Variants in VPS25 observed in about 807,000 individuals in gnomAD.
VPS25 encodes vacuolar protein sorting 25 homolog.
VPS25 carries 21 observed loss-of-function variants against 30.3 expected under a neutral mutation model. The ratio of observed to expected loss-of-function variants is 0.69; its 90% CI spans 0.49 to 1.00. The LOEUF is 1.00. VPS25 is among the 50% of genes least tolerant of loss of function. VPS25 has a pLI of 0.00. For synonymous variants in VPS25, 101 were observed against 88.1 expected, an observed-to-expected ratio of 1.15 and a Z score of -0.82; for missense variants, 156 against 217.2, an observed-to-expected ratio of 0.72 and a Z score of 1.77.
intron 2 of VPS25, 157 bp downstream of exon 2, chr17:42,774,035 C>G: frequency 1.1e-6 from 1 of 884,938 alleles, no homozygotes; most frequent in Non-Finnish European, 1.7e-6. Flanking sequence ...CTGACATTTT[C>G]CCCTGGCAAA....
rs1197024678 is a variant in VPS25 at position 42,779,385 on chromosome 17, A to G, written c.*316A>G. 1 of 250,546 alleles carries G rather than the reference A, an allele frequency of 4.0e-6. No homozygotes were observed. Among genetic ancestry groups the G allele is most frequent in the East Asian group, 8.4e-5 (1 of 11,860 alleles). The allele number at this position is 250,546 out of a possible 1,614,324, so 15.5% of individuals were successfully genotyped here. A position where few individuals can be genotyped will look rare whatever the true frequency, so the allele number is the denominator to read the frequency against. On this transcript the variant is annotated 3_prime_UTR_variant, in exon 6 of 6. Transcript: ENST00000253794. ...TTCACACATGTAAGTACATACACAC[A>G]TGCGCCTGCAGCACATGCTTCTGTC...
In VPS25 at chr17:42,773,538, A is replaced by C. The variant is rs746750328; in HGVS notation, c.53+10A>C. The C allele has an allele frequency of 2.5e-6, 4 of 1,614,168 alleles. No individual in the cohort carries two copies. Among genetic ancestry groups the C allele is most frequent in the Non-Finnish European group, 3.4e-6 (4 of 1,180,012 alleles). On this transcript the variant is annotated intron_variant, in intron 1 of 5. Transcript: ENST00000253794. ...TCCCACCCTTCTTTACGTGAGGCTC[A>C]GACCCCAAGAAGCACCGCTGTGCCT...
chr17:42,776,347 G>C (rs775475095), intron 5 of VPS25, 27 bp downstream of exon 5: 2 of 1,604,594 alleles, frequency 1.2e-6, no homozygotes, highest in South Asian at 2.2e-5. Context: ...CCCACTCATA[G>C]TTAATTTTTT....
chr17:42,774,663 T>C lies in VPS25; in HGVS notation c.217T>C (p.Ser73Pro). ...VKLQRKLPVESIQIVLEELRK... is the reference protein window; with the variant it reads ...VKLQRKLPVEPIQIVLEELRK... ...TAAACCAGGAAAGCTTCCTGTGGAG[T>C]CGATCCAGATTGTATTAGAGGAACT... is the stretch of plus-strand genomic sequence containing the variant. The change falls in exon 3 of 6, where the codon TCG becomes CCG. Residue 73 changes from serine (S) to proline (P), a missense_variant. Ser to Pro is a moderately conservative substitution (Grantham distance 74). Coordinates refer to ENST00000253794, the MANE Select transcript of VPS25 (RefSeq NM_032353.4). The C allele has an allele frequency of 6.2e-7, 1 of 1,612,848 alleles. No homozygotes were observed. The highest frequency in any genetic ancestry group is 8.5e-7 in the Non-Finnish European group (1 of 1,179,088).
chr17:42,778,947 C>T lies in VPS25; in HGVS notation c.419-10C>T, dbSNP rs373635461. 409 of 1,613,236 alleles carry T rather than the reference C, an allele frequency of 2.5e-4. 2 individuals are homozygous for T. In the South Asian group the frequency reaches 4.1e-3, roughly 16 times the overall value. ...GAGCTGATTGTCTCTGCCTATCTCTCCCTGTTCAGAGTTCCACGGGCTGGA... is the reference window on the plus strand; with the variant it reads ...GAGCTGATTGTCTCTGCCTATCTCTTCCTGTTCAGAGTTCCACGGGCTGGA... On this transcript the variant is annotated splice_polypyrimidine_tract_variant and intron_variant, in intron 5 of 5. Coordinates refer to ENST00000253794, the MANE Select transcript of VPS25 (RefSeq NM_032353.4).
Position 42,776,308 on chromosome 17 carries a change from A to G in VPS25, c.406A>G (p.Thr136Ala), listed in dbSNP as rs1265949658. ...TLYELTNGED[T>A]EDEEFHGLDE... is the part of the protein sequence containing the mutation. Reference sequence around the variant, plus strand: ...GTATGAACTGACTAATGGGGAAGACACAGAGGATGAGGGTAATGCCTTTCC... The same window carrying G: ...GTATGAACTGACTAATGGGGAAGACGCAGAGGATGAGGGTAATGCCTTTCC... Residue 136 changes from threonine (T) to alanine (A), a missense_variant, in exon 5 of 6, where the codon ACA (threonine) becomes GCA (alanine). Physicochemically the swap from Thr to Ala is moderately conservative, Grantham distance 58. Transcript: ENST00000253794. 5 of 1,613,530 alleles carry G rather than the reference A, an allele frequency of 3.1e-6. No individual in the cohort carries two copies. Among genetic ancestry groups the G allele is most frequent in the African/African-American group, 1.3e-5 (1 of 75,044 alleles).
intron 4 of VPS25, 36 bp downstream of exon 4, chr17:42,775,505 C>A: frequency 6.4e-7 from 1 of 1,560,552 alleles, no homozygotes; most frequent in South Asian, 1.1e-5. Context: ...TCAACAGTGA[C>A]CCATGGAAAA....
chr17:42,777,873 G>A (rs1235139366), intron 5 of VPS25, among the ~76,000 whole-genome samples: 1 of 152,218 alleles, frequency 6.6e-6, no homozygotes, highest in Non-Finnish European at 1.5e-5. Context: ...AACAGAGGGT[G>A]TCTCCCCTTT....
intron 5 of VPS25, among the ~76,000 whole-genome samples, chr17:42,777,024 G>A (rs1002086122): frequency 6.6e-6 from 1 of 152,146 alleles, no homozygotes; most frequent in Non-Finnish European, 1.5e-5. Flanking sequence ...TTTGAGACCA[G>A]CCTGGGCAAC....
At position 42,779,079 on chromosome 17, in the gene VPS25, G is replaced by A; in HGVS notation, c.*10G>A. On this transcript the variant is annotated 3_prime_UTR_variant, in exon 6 of 6. Coordinates refer to ENST00000253794, the MANE Select transcript of VPS25 (RefSeq NM_032353.4). ...CGTCAAGTTCTTCTAGCAGGGACCT[G>A]TCTCCCTTTACTTCTTACCTCCCAC... 2 of 1,611,956 alleles carry A rather than the reference G, an allele frequency of 1.2e-6. No individual in the cohort carries two copies. Among genetic ancestry groups the A allele is most frequent in the Non-Finnish European group, 1.7e-6 (2 of 1,178,688 alleles).
chr17:42,773,861 A>G lies in VPS25; in HGVS notation c.182A>G (p.Asn61Ser), dbSNP rs369885671. The change falls in exon 2 of 6, where the codon AAC (asparagine) becomes AGC (serine). Residue 61 changes from asparagine to serine, a missense_variant. Physicochemically the swap from Asn to Ser is conservative, Grantham distance 46. Coordinates refer to ENST00000253794, the MANE Select transcript of VPS25 (RefSeq NM_032353.4). The stretch of plus-strand genomic sequence containing the variant: ...GAAGCTCAGGAGAGCCCGCTCTTCA[A>G]CAACGTCAAGCTACAGCGTATCCTC... ...VMEAQESPLFNNVKLQRKLPV... is the reference protein window; with the variant it reads ...VMEAQESPLFSNVKLQRKLPV... 13 of 1,613,548 alleles carry G rather than the reference A, an allele frequency of 8.1e-6. No homozygotes were observed. In the African/African-American group the frequency reaches 1.6e-4, roughly 20 times the overall value.
At position 42,773,748 on chromosome 17, in the gene VPS25, G is replaced by A. The variant is rs761201135; in HGVS notation, c.69G>A (p.Val23=). ...CACCCGGCAGGTTACAACCGAATGTGGACACTCGGCAGAAGCAGCTGGCCG... is the reference window on the plus strand; with the variant it reads ...CACCCGGCAGGTTACAACCGAATGTAGACACTCGGCAGAAGCAGCTGGCCG... ...FPPFFTLQPN[V]DTRQKQLAAW... The change falls in exon 2 of 6, where the codon GTG becomes GTA. Residue 23 remains valine (V), a synonymous_variant. Coordinates refer to ENST00000253794, the MANE Select transcript of VPS25 (RefSeq NM_032353.4). 1.3e-5 allele frequency: 21 copies of A among 1,613,922 alleles called. No homozygotes were observed. The highest frequency in any genetic ancestry group is 1.6e-5 in the Non-Finnish European group (19 of 1,179,982).
intron 3 of VPS25, chr17:42,775,158 C>G: frequency 4.1e-6 from 2 of 489,064 alleles, no homozygotes; most frequent in South Asian, 5.4e-5. Flanking sequence ...ATCCTCCCAT[C>G]TCAGCCTCCT....
chr17:42,778,474 C>T (rs1012024342), intron 5 of VPS25, among the ~76,000 whole-genome samples: 2 of 152,280 alleles, frequency 1.3e-5, no homozygotes, highest in African/African-American at 2.4e-5. Flanking sequence ...CGTGAGCCAC[C>T]GCGCCTGGCC....
intron 5 of VPS25, among the ~76,000 whole-genome samples, chr17:42,776,697 G>A (rs1412196906): frequency 7.2e-6 from 1 of 139,718 alleles, no homozygotes; most frequent in Non-Finnish European, 1.5e-5. Context: ...CAGAGTCACT[G>A]TATCCCAGGC....
intron 5 of VPS25, 86 bp from the exon 6 acceptor site, chr17:42,778,871 G>A: frequency 8.1e-7 from 1 of 1,237,626 alleles, no homozygotes; most frequent in Non-Finnish European, 1.2e-6. Flanking sequence ...CTGCCTCTGG[G>A]AGGTCTCGGC....
chr17:42,774,378 T>G (rs1407045557), intron 2 of VPS25: 1 of 337,612 alleles, frequency 3.0e-6, no homozygotes, highest in South Asian at 1.3e-4. Flanking sequence ...CTTTCTTTTT[T>G]TTTTTTTTTT....
intron 3 of VPS25, 127 bp from the exon 4 acceptor site, chr17:42,775,254 G>A: frequency 1.5e-6 from 1 of 653,950 alleles, no homozygotes; most frequent in East Asian, 2.8e-5. Flanking sequence ...TGTATTTTCT[G>A]TAGGGTCTCA....
Position 42,773,529 on chromosome 17 carries a change from G to T in VPS25, c.53+1G>T. On this transcript the variant is annotated splice_donor_variant, in intron 1 of 5. Coordinates refer to ENST00000253794, the MANE Select transcript of VPS25 (RefSeq NM_032353.4). LOFTEE classifies it high-confidence loss of function. ...AGTATCGCTTCCCACCCTTCTTTAC[G>T]TGAGGCTCAGACCCCAAGAAGCACC... is the stretch of plus-strand genomic sequence containing the variant. 6.2e-7 allele frequency: 1 copy of T among 1,614,092 alleles called. No individual in the cohort carries two copies. Among genetic ancestry groups the T allele is most frequent in the Non-Finnish European group, 8.5e-7 (1 of 1,180,026 alleles).
Sources: gnomAD v4.1 joint callset for allele counts (sites outside exome capture counted in the v4.1 genomes callset) on GRCh38, gnomAD v4.1.1 for gene constraint, MANE v1.5 for transcripts, NCBI Gene and HGNC (gene_info 2026-07-23, HGNC 2026-07-21) for gene names.